The following KSR2 variants were observed in gnomAD, a reference collection of about 807,000 sequenced individuals.
KSR2 encodes kinase suppressor of ras 2.
A neutral mutation model predicts 107.8 loss-of-function variants in KSR2; 25 were observed. The observed-to-expected ratio is 0.23, with a 90% CI of 0.17 to 0.32. The LOEUF (loss-of-function observed/expected upper bound fraction) is 0.32, where lower values mean the gene tolerates loss of function less well. KSR2 is among the 10% of genes least tolerant of loss of function. The pLI is 1.00. For missense variants in KSR2, 887 were observed against 1,268.9 expected, an observed-to-expected ratio of 0.70 and a Z score of 4.57; for synonymous variants, 480 against 507.0, an observed-to-expected ratio of 0.95 and a Z score of 0.71.
chr12:117,952,854 G>A (rs544827121), intron 1 of KSR2, among the ~76,000 whole-genome samples: 3 of 151,776 alleles, frequency 2.0e-5, no homozygotes, highest in Middle Eastern at 3.4e-3. Context: ...GCGTGGTGGC[G>A]CACACCTGTG....
chr12:117,503,066 T>C (rs1873473297), intron 14 of KSR2, among the ~76,000 whole-genome samples: 1 of 152,104 alleles, frequency 6.6e-6, no homozygotes, highest in Admixed American at 6.5e-5. Context: ...ATCATTTCTT[T>C]GAGAAGGAGG....
intron 5 of KSR2, among the ~76,000 whole-genome samples, chr12:117,599,845 T>C (rs1295835821): frequency 6.6e-6 from 1 of 152,100 alleles, no homozygotes; most frequent in Non-Finnish European, 1.5e-5. Flanking sequence ...AGCAGGTGGG[T>C]TGAACGGTGA....
At chr12:117,525,987 C>T (rs1875122888) in intron 13 of KSR2, among the ~76,000 whole-genome samples, 1 of 152,184 alleles carries the variant, frequency 6.6e-6, no homozygotes. Flanking sequence ...GCTGCCTTTC[C>T]TCATTGTAAA....
intron 1 of KSR2, among the ~76,000 whole-genome samples, chr12:117,924,531 C>A (rs1378215412): frequency 1.6e-5 from 2 of 123,008 alleles, no homozygotes; most frequent in East Asian, 5.6e-4. Flanking sequence ...GAGATCGTGT[C>A]ATTGCACTCC....
At chr12:117,742,570 G>A (rs1888263398) in intron 4 of KSR2, among the ~76,000 whole-genome samples, 1 of 141,544 alleles carries the variant, frequency 7.1e-6, no homozygotes, top group African/African-American at 2.5e-5. Context: ...GCAGAGAGAT[G>A]AACAGACAGA....
chr12:117,909,857 G>A (rs749178961), intron 1 of KSR2, among the ~76,000 whole-genome samples: 8 of 150,772 alleles, frequency 5.3e-5, no homozygotes, highest in Non-Finnish European at 1.2e-4. Flanking sequence ...GCAGTGAGTC[G>A]AGATCACGCC....
intron 4 of KSR2, among the ~76,000 whole-genome samples, chr12:117,735,014 T>C (rs1175044169): frequency 2.0e-5 from 3 of 152,206 alleles, no homozygotes; most frequent in Non-Finnish European, 4.4e-5. Context: ...GGTGCGTTTC[T>C]GGGGCCTCAG....
chr12:117,900,814 G>A (rs748191584), intron 1 of KSR2, among the ~76,000 whole-genome samples: 13 of 152,190 alleles, frequency 8.5e-5, no homozygotes, highest in Admixed American at 2.6e-4. Flanking sequence ...CAAGCATGAC[G>A]TGTAAGGTGG....
At chr12:117,572,249 C>T (rs2136218135) in intron 7 of KSR2, among the ~76,000 whole-genome samples, 1 of 152,320 alleles carries the variant, frequency 6.6e-6, no homozygotes, top group South Asian at 2.1e-4. Context: ...GCAGAGTACC[C>T]TGATGTGCAT....
chr12:117,965,898 T>C (rs75928986), intron 1 of KSR2, among the ~76,000 whole-genome samples: 13,612 of 152,276 alleles, frequency 0.089, 772 homozygotes, highest in Middle Eastern at 0.15. Flanking sequence ...TGGACTTGGC[T>C]GGACCCTAAG....
chr12:117,775,225 C>T (rs184057594), intron 3 of KSR2, among the ~76,000 whole-genome samples: 2 of 152,274 alleles, frequency 1.3e-5, no homozygotes, highest in East Asian at 3.9e-4. Context: ...TTCTGAGAAA[C>T]CACCCTGCTG....
chr12:117,856,512 T>C (rs1893106917), intron 2 of KSR2, among the ~76,000 whole-genome samples: 1 of 152,196 alleles, frequency 6.6e-6, no homozygotes, highest in Non-Finnish European at 1.5e-5. Flanking sequence ...GTCTCGCTCT[T>C]GTTTCCCAGG....
intron 1 of KSR2, among the ~76,000 whole-genome samples, chr12:117,939,977 ACAC>A (rs1895961550): frequency 6.6e-6 from 1 of 151,800 alleles, no homozygotes; most frequent in African/African-American, 2.4e-5. Flanking sequence ...ACACACACAC[ACAC>A]ACACACATTT....
At chr12:117,856,744 A>G (rs980834448) in intron 2 of KSR2, among the ~76,000 whole-genome samples, 1 of 152,054 alleles carries the variant, frequency 6.6e-6, no homozygotes, top group South Asian at 2.1e-4. Flanking sequence ...CCGAAAGTAA[A>G]TAAGGGTGAA....
intron 14 of KSR2, among the ~76,000 whole-genome samples, chr12:117,521,574 G>C (rs1269857876): frequency 6.6e-6 from 1 of 152,202 alleles, no homozygotes; most frequent in Non-Finnish European, 1.5e-5. Flanking sequence ...TGGGTAACTA[G>C]TTGGTTATTA....
chr12:117,875,173 A>C (rs1893795661), intron 1 of KSR2, among the ~76,000 whole-genome samples: 2 of 152,164 alleles, frequency 1.3e-5, no homozygotes, highest in South Asian at 4.1e-4. Context: ...TCAAAAAGTC[A>C]AGACATGTGA....
intron 14 of KSR2, among the ~76,000 whole-genome samples, chr12:117,495,909 C>T (rs1872996592): frequency 6.6e-6 from 1 of 152,102 alleles, no homozygotes; most frequent in African/African-American, 2.4e-5. Flanking sequence ...CAAAAATTAG[C>T]CAGGCGTGGT....
In KSR2 at chr12:117,795,364, C is replaced by A. The variant is rs143636312; in HGVS notation, c.473-33840G>T. ...CTTTGCCTCCTCCTGGCAGATACTA[C>A]CTCAGCCTTCTGGAAGATGATGCCA... On this transcript the variant is annotated intron_variant, in intron 3 of 19. Coordinates refer to ENST00000339824, the MANE Select transcript of KSR2 (RefSeq NM_173598.6). Among the ~76,000 whole-genome samples the A allele has an allele frequency of 2.0e-5, 3 of 152,300 alleles. No homozygotes were observed. In the East Asian group the frequency reaches 5.8e-4, roughly 29 times the overall value.
chr12:117,623,442 T>C (rs909891530), intron 5 of KSR2, among the ~76,000 whole-genome samples: 7 of 152,166 alleles, frequency 4.6e-5, no homozygotes, highest in African/African-American at 1.4e-4. Context: ...AGTGATCTCA[T>C]TGGTCAGGTC....
Sources: gnomAD v4.1 joint callset for allele counts (sites outside exome capture counted in the v4.1 genomes callset) on GRCh38, gnomAD v4.1.1 for gene constraint, MANE v1.5 for transcripts, NCBI Gene and HGNC (gene_info 2026-07-23, HGNC 2026-07-21) for gene names.